DRC11: variants seen among roughly 807,000 people sequenced by gnomAD.
DRC11 encodes the protein dynein regulatory complex subunit 11, also known as IQ and AAA domain-containing protein 1.
chr2:236,479,678 T>C, the DRC11 span, among the ~76,000 whole-genome samples: 1 of 152,188 alleles, frequency 6.6e-6, no homozygotes, highest in Non-Finnish European at 1.5e-5. The surrounding 1 kb of genome is among the most constrained non-coding windows in gnomAD (Gnocchi z 4.1). Flanking sequence ...TTTACATCTT[T>C]TTATATTACT....
At chr2:236,424,259 C>A in the DRC11 span, among the ~76,000 whole-genome samples, 1 of 152,042 alleles carries the variant, frequency 6.6e-6, no homozygotes, top group Admixed American at 6.6e-5. Context: ...TAATTATGAG[C>A]AGCTGAAAAG....
chr2:236,368,114 A>T, the DRC11 span: 41 of 852,230 alleles, frequency 4.8e-5, no homozygotes, highest in Non-Finnish European at 7.8e-5. Flanking sequence ...TTTTGATGAC[A>T]AACAGGAACA....
At chr2:236,395,196 G>A in the DRC11 span, among the ~76,000 whole-genome samples, 2 of 152,122 alleles carry the variant, frequency 1.3e-5, no homozygotes, top group Non-Finnish European at 2.9e-5. Flanking sequence ...AAAGTTCAAG[G>A]GGTGTCTTCA....
chr2:236,459,660 C>CGTAT, the DRC11 span, among the ~76,000 whole-genome samples: 83 of 101,512 alleles, frequency 8.2e-4, no homozygotes, highest in Non-Finnish European at 1.4e-3. Context: ...TATGTATATA[C>CGTAT]ATACGTATAT....
the DRC11 span, among the ~76,000 whole-genome samples, chr2:236,388,637 C>T: frequency 1.3e-5 from 2 of 148,274 alleles, no homozygotes; most frequent in Non-Finnish European, 3.0e-5. Context: ...GTAATTTGAT[C>T]GTCTGAAGCC....
At chr2:236,404,085 T>C in the DRC11 span, among the ~76,000 whole-genome samples, 1 of 149,458 alleles carries the variant, frequency 6.7e-6, no homozygotes, top group African/African-American at 2.5e-5. Flanking sequence ...CGAGTTCTGA[T>C]GCTCTCTTCC....
the DRC11 span, among the ~76,000 whole-genome samples, chr2:236,312,660 A>G: frequency 6.6e-6 from 1 of 152,030 alleles, no homozygotes; most frequent in Admixed American, 6.6e-5. Flanking sequence ...ACAGCAAGTT[A>G]AATCCCAAGA....
At chr2:236,378,091 C>T in the DRC11 span, among the ~76,000 whole-genome samples, 1 of 152,316 alleles carries the variant, frequency 6.6e-6, no homozygotes, top group South Asian at 2.1e-4. Context: ...CCAAGAATAT[C>T]AGTTAGACCC....
chr2:236,448,232 G>A, the DRC11 span, among the ~76,000 whole-genome samples: 1 of 152,090 alleles, frequency 6.6e-6, no homozygotes, highest in African/African-American at 2.4e-5. The surrounding 1 kb of genome is among the most constrained non-coding windows in gnomAD (Gnocchi z 5.3). Flanking sequence ...TAAGACCACT[G>A]GCTGTAAGAT....
chr2:236,459,528 TGTATACGTATAC>T, the DRC11 span, among the ~76,000 whole-genome samples: 1 of 95,944 alleles, frequency 1.0e-5, no homozygotes, highest in South Asian at 3.0e-4. Context: ...CATGTATACA[TGTATACGTATAC>T]GTATACGTAT....
the DRC11 span, among the ~76,000 whole-genome samples, chr2:236,471,994 T>C: frequency 6.6e-6 from 1 of 152,154 alleles, no homozygotes; most frequent in Non-Finnish European, 1.5e-5. This position sits in a 1 kb window ranked among gnomAD's most constrained non-coding sequence, Gnocchi z 4.6. Context: ...TCTGGAGACC[T>C]GAGACAAGAA....
At chr2:236,309,280 G>C in the DRC11 span, among the ~76,000 whole-genome samples, 3 of 152,186 alleles carry the variant, frequency 2.0e-5, no homozygotes, top group Non-Finnish European at 4.4e-5. This position sits in a 1 kb window ranked among gnomAD's most constrained non-coding sequence, Gnocchi z 5.7. Flanking sequence ...ATAGCTACTG[G>C]AGCCTTGCAC....
the DRC11 span, among the ~76,000 whole-genome samples, chr2:236,321,696 C>T: frequency 1.3e-5 from 2 of 152,176 alleles, no homozygotes; most frequent in African/African-American, 4.8e-5. Flanking sequence ...AGCTCATGGC[C>T]CCATGTGTGA....
At chr2:236,338,805 A>G in the DRC11 span, among the ~76,000 whole-genome samples, 1 of 152,262 alleles carries the variant, frequency 6.6e-6, no homozygotes, top group South Asian at 2.1e-4. Context: ...CCTGCATCTC[A>G]TGTCTGAAAA....
At chr2:236,357,000 T>TTATATATTCATATATATC in the DRC11 span, among the ~76,000 whole-genome samples, 1 of 67,854 alleles carries the variant, frequency 1.5e-5, no homozygotes, top group African/African-American at 4.8e-5. Flanking sequence ...ATCTATATAT[T>TTATATATTCATATATATC]TATATATTCA....
At chr2:236,394,567 G>T in the DRC11 span, among the ~76,000 whole-genome samples, 4 of 152,028 alleles carry the variant, frequency 2.6e-5, no homozygotes, top group Non-Finnish European at 5.9e-5. The surrounding 1 kb of genome is among the most constrained non-coding windows in gnomAD (Gnocchi z 7.0). Flanking sequence ...GGAGGTGGAG[G>T]TTGCAGTGAG....
At chr2:236,357,257 T>C in the DRC11 span, among the ~76,000 whole-genome samples, 1 of 94,482 alleles carries the variant, frequency 1.1e-5, no homozygotes, top group Non-Finnish European at 1.9e-5. Flanking sequence ...TATATATCTA[T>C]ATATTATAAA....
the DRC11 span, among the ~76,000 whole-genome samples, chr2:236,406,478 A>C: frequency 6.1e-3 from 933 of 152,266 alleles, 10 homozygotes; most frequent in African/African-American, 0.021. The surrounding 1 kb of genome is among the most constrained non-coding windows in gnomAD (Gnocchi z 4.7). Context: ...TATATTTTGA[A>C]ATACATCTGT....
At chr2:236,363,957 T>C in the DRC11 span, 1 of 1,613,834 alleles carries the variant, frequency 6.2e-7, no homozygotes, top group Non-Finnish European at 8.5e-7. The surrounding 1 kb of genome is among the most constrained non-coding windows in gnomAD (Gnocchi z 5.6). Context: ...CCAAAGGAGC[T>C]TTCTCATGCA....
Sources: allele counts gnomAD v4.1 joint callset (sites outside exome capture counted in the v4.1 genomes callset), GRCh38; gene constraint gnomAD v4.1.1; non-coding constraint Gnocchi (gnomAD v3.1); transcripts MANE v1.5; gene names NCBI Gene and HGNC (gene_info 2026-07-23, HGNC 2026-07-21).